Variants in RESP18 observed in about 807,000 individuals in gnomAD.
RESP18 encodes regulated endocrine-specific protein 18.
In RESP18, 30 loss-of-function variants were observed where a neutral mutation model predicts 30.0. The ratio of observed to expected loss-of-function variants is 1.00; its 90% CI spans 0.75 to 1.36. The LOEUF (loss-of-function observed/expected upper bound fraction) is 1.36, where lower values mean the gene tolerates loss of function less well. Among genes scored for constraint, RESP18 ranks in the 40% most tolerant of loss-of-function variants. RESP18 has a pLI of 0.00. For synonymous variants in RESP18, 117 were observed against 111.2 expected, an observed-to-expected ratio of 1.05 and a Z score of -0.33; for missense variants, 320 against 284.2, an observed-to-expected ratio of 1.13 and a Z score of -0.91.
chr2:219,327,429 T>C lies in RESP18; in HGVS notation c.*88A>G, dbSNP rs954932435. On this transcript the variant is annotated 3_prime_UTR_variant, in exon 7 of 7. Coordinates refer to ENST00000333527, the MANE Select transcript of RESP18 (RefSeq NM_001007089.4). ...GTGTTTGCATGAGAGTCTACTTTAA[T>C]GATTCAAATCTGGGTCATCCAAGAA... 1.4e-5 allele frequency: 17 copies of C among 1,195,766 alleles called. No individual in the cohort carries two copies. The highest frequency in any genetic ancestry group is 2.1e-5 in the Non-Finnish European group (17 of 824,014). 74.1% of individuals were successfully genotyped at this position (1,195,766 alleles called of 1,614,324 possible).
intron 1 of RESP18, 32 bp from the exon 1 acceptor site, chr2:219,332,776 C>G: frequency 8.2e-6 from 12 of 1,466,378 alleles, no homozygotes; most frequent in Non-Finnish European, 1.1e-5. Flanking sequence ...CAATCGTGAG[C>G]GGGCCCTGCC....
At position 219,332,614 on chromosome 2, in the gene RESP18, A is replaced by G; in HGVS notation, c.142T>C (p.Trp48Arg). 6.4e-7 allele frequency: 1 copy of G among 1,551,448 alleles called. No individual in the cohort carries two copies. The highest frequency in any genetic ancestry group is 8.7e-7 in the Non-Finnish European group (1 of 1,146,954). ...TGGAGCCCCTCGGAGCTCCCAGGCC[A>G]CAGTGGGTGCTGTATCCTCCCAGGC... Residue 48 changes from tryptophan to arginine, a missense_variant, in exon 2 of 7, where the codon TGG (tryptophan) becomes CGG (arginine). Coordinates refer to ENST00000333527, the MANE Select transcript of RESP18 (RefSeq NM_001007089.4).
At chr2:219,329,829 G>C in intron 3 of RESP18, 65 bp from the exon 3 acceptor site, 1 of 1,476,380 alleles carries the variant, frequency 6.8e-7, no homozygotes, top group Non-Finnish European at 9.2e-7. Flanking sequence ...CCAGGGATCA[G>C]AGTAACCTTT....
chr2:219,330,978 C>T, intron 2 of RESP18, 103 bp from the exon 2 acceptor site: 6 of 700,358 alleles, frequency 8.6e-6, no homozygotes, highest in South Asian at 6.5e-5. Flanking sequence ...GGACCCCTGA[C>T]CTCTGTTCCC....
chr2:219,327,436 A>T lies in RESP18; in HGVS notation c.*81T>A. On this transcript the variant is annotated 3_prime_UTR_variant, in exon 7 of 7. Coordinates refer to ENST00000333527, the MANE Select transcript of RESP18 (RefSeq NM_001007089.4). ...CATGAGAGTCTACTTTAATGATTCA[A>T]ATCTGGGTCATCCAAGAACTGCTCC... 2 of 1,264,102 alleles carry T rather than the reference A, an allele frequency of 1.6e-6. No homozygotes were observed. Among genetic ancestry groups the T allele is most frequent in the Non-Finnish European group, 2.3e-6 (2 of 885,698 alleles). The allele number at this position is 1,264,102 out of a possible 1,614,324, so 78.3% of individuals were successfully genotyped here. A position where few individuals can be genotyped will look rare whatever the true frequency, so the allele number is the denominator to read the frequency against.
Position 219,328,956 on chromosome 2 carries a change from G to A in RESP18, c.608C>T (p.Pro203Leu). The A allele has an allele frequency of 1.3e-6, 2 of 1,551,052 alleles. No individual in the cohort carries two copies. The highest frequency in any genetic ancestry group is 1.7e-6 in the Non-Finnish European group (2 of 1,146,320). The stretch of plus-strand genomic sequence containing the variant: ...CTTATAGATAATTTCTTCCTTAGAG[G>A]GTCCCGGCGCCTGCATCATGTCCAG... Residue 203 changes from proline (P) to leucine (L), a missense_variant, in exon 6 of 7, where the codon CCC becomes CTC. Transcript: ENST00000333527.
intron 4 of RESP18, 47 bp from the exon 4 acceptor site, chr2:219,329,299 A>T (rs1239643318): frequency 6.4e-7 from 1 of 1,551,670 alleles, no homozygotes; most frequent in African/African-American, 1.4e-5. Context: ...GAAAAGGGTG[A>T]GAGGGCCCCA....
At position 219,328,266 on chromosome 2, in the gene RESP18, C is replaced by T. The variant is rs1952793326; in HGVS notation, c.640+658G>A. Among the ~76,000 whole-genome samples the T allele has an allele frequency of 4.6e-5, 7 of 152,304 alleles. No homozygotes were observed. In the South Asian group the frequency reaches 1.5e-3, roughly 32 times the overall value. ...TATGATCTGTGAGCCCCTGTGTGGTCAGTCCTGGGCCTAATTCTCCACCCT... is the reference window on the plus strand; with the variant it reads ...TATGATCTGTGAGCCCCTGTGTGGTTAGTCCTGGGCCTAATTCTCCACCCT... On this transcript the variant is annotated intron_variant, in intron 6 of 6. Transcript: ENST00000333527.
chr2:219,328,161 T>C (rs1952792436), intron 6 of RESP18, among the ~76,000 whole-genome samples: 1 of 152,258 alleles, frequency 6.6e-6, no homozygotes, highest in Non-Finnish European at 1.5e-5. Context: ...TTTAAAATCA[T>C]ATCACGTTGT....
Position 219,329,737 on chromosome 2 carries a change from TG to T in RESP18, c.364del (p.Gln122ArgfsTer4). ...CTCCATCTTTTGGATCATTGCATCC[TG>T]GGTGATGTCATCCTTCCAGAACAGA... On this transcript the variant is annotated frameshift_variant, in exon 4 of 7. Coordinates refer to ENST00000333527, the MANE Select transcript of RESP18 (RefSeq NM_001007089.4). LOFTEE classifies it high-confidence loss of function. 2 of 1,551,696 alleles carry T rather than the reference TG, an allele frequency of 1.3e-6. No individual in the cohort carries two copies. The highest frequency in any genetic ancestry group is 1.4e-5 in the African/African-American group (1 of 73,162).
chr2:219,329,748 A>G lies in RESP18; in HGVS notation c.354T>C (p.Asp118=), dbSNP rs112968834. 2 of 1,551,688 alleles carry G rather than the reference A, an allele frequency of 1.3e-6. No individual in the cohort carries two copies. The highest frequency in any genetic ancestry group is 1.4e-5 in the African/African-American group (1 of 73,168). The change falls in exon 4 of 7, where the codon GAT becomes GAC. Residue 118 remains aspartate, a synonymous_variant. Coordinates refer to ENST00000333527, the MANE Select transcript of RESP18 (RefSeq NM_001007089.4). ...GGATCATTGCATCCTGGGTGATGTC[A>G]TCCTTCCAGAACAGACCTGCAGGAT...
chr2:219,332,768 A>G, intron 1 of RESP18, 24 bp from the exon 1 acceptor site: 3 of 1,500,306 alleles, frequency 2.0e-6, no homozygotes, highest in South Asian at 1.3e-5. Flanking sequence ...AGTTCAGCCA[A>G]TCGTGAGCGG....
chr2:219,331,954 TTGCGCTCTCTTCCCCA>T (rs1434440519), intron 2 of RESP18, among the ~76,000 whole-genome samples: 1 of 152,194 alleles, frequency 6.6e-6, no homozygotes, highest in Non-Finnish European at 1.5e-5. Context: ...GACTAGGAGT[TTGCGCTCTCTTCCCCA>T]TGCGCTCTGC....
intron 2 of RESP18, chr2:219,331,234 T>C: frequency 5.5e-6 from 1 of 180,828 alleles, no homozygotes; most frequent in Non-Finnish European, 1.2e-5. Flanking sequence ...CTTAGGGAAG[T>C]CATTGAAGCC....
intron 6 of RESP18, among the ~76,000 whole-genome samples, chr2:219,328,133 A>G (rs1022722455): frequency 6.6e-6 from 1 of 152,198 alleles, no homozygotes; most frequent in African/African-American, 2.4e-5. Flanking sequence ...TCATTCCCCA[A>G]CATCACCAGG....
chr2:219,331,480 C>G (rs1952830022), intron 2 of RESP18, among the ~76,000 whole-genome samples: 1 of 152,156 alleles, frequency 6.6e-6, no homozygotes, highest in African/African-American at 2.4e-5. Flanking sequence ...ATGAGCCATT[C>G]TGGACAGGTC....
At chr2:219,331,122 G>C in intron 2 of RESP18, 1 of 415,950 alleles carries the variant, frequency 2.4e-6, no homozygotes, top group Non-Finnish European at 4.4e-6. Flanking sequence ...TTTACAAAGA[G>C]CAGCCTGTAG....
Position 219,333,167 on chromosome 2 carries a change from T to A in RESP18, c.11A>T (p.Asp4Val). 6.5e-7 allele frequency: 1 copy of A among 1,537,398 alleles called. No homozygotes were observed. The highest frequency in any genetic ancestry group is 8.8e-7 in the Non-Finnish European group (1 of 1,140,886). Reference sequence around the variant, plus strand: ...GCACATCCATCCACTTTACTCCACATCCACTGCCATCGCCTTGGTCCAAAC... The same window carrying A: ...GCACATCCATCCACTTTACTCCACAACCACTGCCATCGCCTTGGTCCAAAC... Residue 4 changes from aspartate (D) to valine (V), a missense_variant, in exon 1 of 7, where the codon GAT becomes GTT. By Grantham distance (152) the Asp-to-Val change is radical. Transcript: ENST00000333527.
At chr2:219,327,691 T>TCATGA in intron 6 of RESP18, 128 bp from the exon 6 acceptor site, 1 of 785,958 alleles carries the variant, frequency 1.3e-6, no homozygotes, top group Non-Finnish European at 2.2e-6. Flanking sequence ...TGGTGACAGC[T>TCATGA]CACCAACTGA....
Sources: gnomAD v4.1 joint callset for allele counts (sites outside exome capture counted in the v4.1 genomes callset) on GRCh38, gnomAD v4.1.1 for gene constraint, MANE v1.5 for transcripts, NCBI Gene and HGNC (gene_info 2026-07-23, HGNC 2026-07-21) for gene names.